MECOM: variants seen among roughly 807,000 people sequenced by gnomAD.
MECOM encodes the protein histone-lysine N-methyltransferase MECOM.
A neutral mutation model predicts 116.3 loss-of-function variants in MECOM; 13 were observed. That is an observed-to-expected ratio of 0.11 (90% CI 0.07 to 0.18). The LOEUF (loss-of-function observed/expected upper bound fraction) is 0.18, where lower values mean the gene tolerates loss of function less well. MECOM is among the 10% of genes least tolerant of loss of function. The pLI, the probability that MECOM is intolerant of heterozygous loss-of-function variation, is 1.00. For missense variants in MECOM, 1,299 were observed against 1,509.0 expected (o/e 0.86, Z 2.31); for synonymous variants, 528 against 535.2 (o/e 0.99, Z 0.19).
chr3:169,084,697 T>C lies in MECOM; in HGVS notation c.*212A>G. 1 of 495,312 alleles carries C rather than the reference T, an allele frequency of 2.0e-6. No homozygotes were observed. The highest frequency in any genetic ancestry group is 3.4e-6 in the Non-Finnish European group (1 of 292,320). The allele number at this position is 495,312 out of a possible 1,614,324, so 30.7% of individuals were successfully genotyped here. On this transcript the variant is annotated 3_prime_UTR_variant, in exon 17 of 17. Coordinates refer to ENST00000651503, the MANE Select transcript of MECOM (RefSeq NM_004991.4). ...GATTGATCTTCCAGAAGTCAGCAGC[T>C]GCCTTTGCTGTGCAAAACAAAATAT... is the stretch of plus-strand genomic sequence containing the variant.
chr3:169,378,441 GAAAGAAAGAAGGAAAGCA>G (rs1560196485), intron 2 of MECOM, among the ~76,000 whole-genome samples: 14 of 83,016 alleles, frequency 1.7e-4, no homozygotes, highest in African/African-American at 4.7e-4. Context: ...AAGAAAGAAA[GAAAGAAAGAAGGAAAGCA>G]AGCAAGCAAG....
rs1411357657 is a variant in MECOM at position 169,183,757 on chromosome 3, TACATACACAC to T, written c.376-39935_376-39926del. ...TACGTTAAGGACTGTAGAAGATACATACATACACACACACACACACACACACACACACACA... is the reference window on the plus strand; with the variant it reads ...TACGTTAAGGACTGTAGAAGATACATACACACACACACACACACACACACA... On this transcript the variant is annotated intron_variant, in intron 2 of 16. Coordinates refer to ENST00000651503, the MANE Select transcript of MECOM (RefSeq NM_004991.4). 7.3e-3 allele frequency among the ~76,000 whole-genome samples: 620 copies of T among 84,518 alleles called. 2 individuals are homozygous for T. Among genetic ancestry groups the T allele is most frequent in the East Asian group, 0.023 (70 of 3,084 alleles). The allele number at this position is 84,518 out of a possible 152,430, so 55.4% of individuals were successfully genotyped here. A position where few individuals can be genotyped will look rare whatever the true frequency, so the allele number is the denominator to read the frequency against.
At chr3:169,226,830 A>G (rs1034101446) in intron 2 of MECOM, among the ~76,000 whole-genome samples, 3 of 152,236 alleles carry the variant, frequency 2.0e-5, no homozygotes, top group Admixed American at 2.0e-4. Context: ...CATTAAAAGC[A>G]GTTCTATTTC....
chr3:169,660,206 C>T (rs1423144804), intron 1 of MECOM, among the ~76,000 whole-genome samples: 2 of 152,138 alleles, frequency 1.3e-5, no homozygotes, highest in South Asian at 2.1e-4. Context: ...GGGAAGTCTC[C>T]CCGCGCTGCC....
At chr3:169,128,870 T>C (rs1733754755) in intron 4 of MECOM, among the ~76,000 whole-genome samples, 1 of 152,208 alleles carries the variant, frequency 6.6e-6, no homozygotes, top group Non-Finnish European at 1.5e-5. Flanking sequence ...TGTTTCTATT[T>C]TTGTCTTTTG....
chr3:169,492,699 C>T (rs918894118), intron 1 of MECOM, among the ~76,000 whole-genome samples: 7 of 152,108 alleles, frequency 4.6e-5, no homozygotes, highest in Non-Finnish European at 8.8e-5. Flanking sequence ...TGGTGTCTCA[C>T]GCCTCTAATC....
At chr3:169,506,664 T>C (rs533874452) in intron 1 of MECOM, among the ~76,000 whole-genome samples, 2 of 152,362 alleles carry the variant, frequency 1.3e-5, no homozygotes, top group South Asian at 2.1e-4. Context: ...TGCCAATATT[T>C]AGGGCACCAA....
intron 2 of MECOM, among the ~76,000 whole-genome samples, chr3:169,327,749 G>A (rs527448753): frequency 6.6e-6 from 1 of 151,810 alleles, no homozygotes; most frequent in Admixed American, 6.6e-5. Flanking sequence ...TATATAATTC[G>A]ATAGACATTA....
intron 1 of MECOM, among the ~76,000 whole-genome samples, chr3:169,498,619 A>T (rs1754129196): frequency 6.6e-6 from 1 of 152,184 alleles, no homozygotes; most frequent in South Asian, 2.1e-4. Context: ...CTATCACAAG[A>T]CCTGGTGGAG....
chr3:169,320,063 T>C (rs1366795423), intron 2 of MECOM, among the ~76,000 whole-genome samples: 1 of 152,014 alleles, frequency 6.6e-6, no homozygotes, highest in African/African-American at 2.4e-5. Context: ...GAAATAATAG[T>C]AGATAAAGAA....
chr3:169,543,193 G>A (rs766614990), intron 1 of MECOM, among the ~76,000 whole-genome samples: 3 of 152,164 alleles, frequency 2.0e-5, no homozygotes, highest in Non-Finnish European at 4.4e-5. Flanking sequence ...CATTGAATGG[G>A]TCATTATTCC....
intron 3 of MECOM, among the ~76,000 whole-genome samples, chr3:169,141,190 G>A (rs1737999467): frequency 6.6e-6 from 1 of 151,954 alleles, no homozygotes; most frequent in Admixed American, 6.6e-5. Context: ...ACTTGCAATT[G>A]AAAACTTCAT....
At chr3:169,408,194 T>C (rs1736996811) in intron 1 of MECOM, among the ~76,000 whole-genome samples, 1 of 152,014 alleles carries the variant, frequency 6.6e-6, no homozygotes, top group Non-Finnish European at 1.5e-5. Context: ...CCGAGAACAG[T>C]ATAAAAATGA....
At chr3:169,533,591 T>TTTTTTTTTTTTTTTTC (rs55667588) in intron 1 of MECOM, among the ~76,000 whole-genome samples, 62 of 132,202 alleles carry the variant, frequency 4.7e-4, no homozygotes, top group Non-Finnish European at 7.5e-4. Flanking sequence ...TTTTTTTTTT[T>TTTTTTTTTTTTTTTTC]ATTTCCTTAT....
chr3:169,199,219 T>G (rs1414339779), intron 2 of MECOM, among the ~76,000 whole-genome samples: 2 of 152,042 alleles, frequency 1.3e-5, no homozygotes, highest in African/African-American at 4.8e-5. Context: ...GGAGACTGTT[T>G]ATTTAGAACC....
chr3:169,232,557 T>C (rs1035541335), intron 2 of MECOM, among the ~76,000 whole-genome samples: 1 of 151,986 alleles, frequency 6.6e-6, no homozygotes, highest in Non-Finnish European at 1.5e-5. Context: ...AACAAAGAGT[T>C]ACATGTTTAC....
At position 169,499,530 on chromosome 3, in the gene MECOM, A is replaced by G. The variant is rs762356154; in HGVS notation, c.38-118006T>C. On this transcript the variant is annotated intron_variant, in intron 1 of 16. Coordinates refer to ENST00000651503, the MANE Select transcript of MECOM (RefSeq NM_004991.4). ...ATTCAAAAGAGCAGACAAGAAGAAG[A>G]TATTTCCAGACTTATAAGACCTAAA... Among the ~76,000 whole-genome samples, 3 of 151,526 alleles carry G rather than the reference A, an allele frequency of 2.0e-5. No individual in the cohort carries two copies. The Admixed American group carries it at 2.0e-4, about 10-fold the overall frequency.
chr3:169,304,226 T>C (rs1260591218), intron 2 of MECOM, among the ~76,000 whole-genome samples: 2 of 152,222 alleles, frequency 1.3e-5, no homozygotes, highest in Non-Finnish European at 2.9e-5. Flanking sequence ...AAAATAAATG[T>C]CAAAGTGAAG....
chr3:169,124,043 C>T (rs1248168398), intron 5 of MECOM, among the ~76,000 whole-genome samples: 1 of 152,002 alleles, frequency 6.6e-6, no homozygotes, highest in Non-Finnish European at 1.5e-5. Context: ...CGAAATTAAT[C>T]CAGGTAATAA....
Sources: allele counts gnomAD v4.1 joint callset (sites outside exome capture counted in the v4.1 genomes callset), GRCh38; gene constraint gnomAD v4.1.1; transcripts MANE v1.5; gene names NCBI Gene and HGNC (gene_info 2026-07-23, HGNC 2026-07-21).